Variants in NBEA observed in about 807,000 individuals in gnomAD.
NBEA encodes neurobeachin, also known as lysosomal-trafficking regulator 2.
NBEA carries 44 observed loss-of-function variants against 343.4 expected under a neutral mutation model. That is an observed-to-expected ratio of 0.13 (90% CI 0.10 to 0.16). The LOEUF (loss-of-function observed/expected upper bound fraction) is 0.16. Ranked by LOEUF, NBEA falls within the 10% of genes least tolerant of loss-of-function variation. NBEA has a pLI of 1.00. For missense variants in NBEA, 2,555 were observed against 3,631.3 expected (o/e 0.70, Z 7.62); for synonymous variants, 1,175 against 1,238.7 (o/e 0.95, Z 1.08).
chr13:35,618,335 T>G (rs2082829955), intron 48 of NBEA, among the ~76,000 whole-genome samples: 2 of 152,236 alleles, frequency 1.3e-5, no homozygotes, highest in African/African-American at 4.8e-5. Flanking sequence ...ATGCCCAGCT[T>G]TATTACTGCA....
chr13:35,430,573 G>T (rs867751145), intron 38 of NBEA, among the ~76,000 whole-genome samples: 2 of 152,196 alleles, frequency 1.3e-5, no homozygotes, highest in Middle Eastern at 3.4e-3. Context: ...TTTGTATGGG[G>T]TTTCAGGTCT....
chr13:35,408,828 A>G (rs963049540), intron 38 of NBEA, among the ~76,000 whole-genome samples: 15 of 152,186 alleles, frequency 9.9e-5, no homozygotes, highest in African/African-American at 2.7e-4. Flanking sequence ...GAATATGGCT[A>G]TAATTAAAAA....
intron 41 of NBEA, among the ~76,000 whole-genome samples, chr13:35,493,038 A>G (rs2076553576): frequency 6.6e-6 from 1 of 152,010 alleles, no homozygotes; most frequent in Non-Finnish European, 1.5e-5. Context: ...GAAATCAAAG[A>G]ATTTTAAGAT....
intron 36 of NBEA, among the ~76,000 whole-genome samples, chr13:35,315,602 A>G (rs2037661968): frequency 6.6e-6 from 1 of 152,164 alleles, no homozygotes; most frequent in Non-Finnish European, 1.5e-5. Flanking sequence ...TTTTAAAAGA[A>G]TATAGAATTT....
chr13:35,447,575 T>C (rs2046113363), intron 39 of NBEA, among the ~76,000 whole-genome samples: 1 of 152,082 alleles, frequency 6.6e-6, no homozygotes, highest in African/African-American at 2.4e-5. Context: ...ATAACATAAG[T>C]GCGGTTTTGG....
intron 40 of NBEA, among the ~76,000 whole-genome samples, chr13:35,467,576 T>G (rs1291890838): frequency 6.6e-6 from 1 of 152,244 alleles, no homozygotes; most frequent in Non-Finnish European, 1.5e-5. Context: ...TAAAAATAAT[T>G]GTAAAAATTT....
chr13:35,251,570 C>G (rs2031960430), intron 34 of NBEA: 2 of 1,199,564 alleles, frequency 1.7e-6, no homozygotes, highest in African/African-American at 1.6e-5. Context: ...TTCAGGAAGG[C>G]GTTCACAGAA....
intron 38 of NBEA, among the ~76,000 whole-genome samples, chr13:35,364,025 G>T (rs752292692): frequency 1.3e-5 from 2 of 151,930 alleles, no homozygotes; most frequent in Non-Finnish European, 2.9e-5. Flanking sequence ...CTTGCCTGTG[G>T]CATGTTCTAG....
rs531988880 is a variant in NBEA at position 35,036,508 on chromosome 13, G to C, written c.295-4425G>C. Among the ~76,000 whole-genome samples, 7 of 152,066 alleles carry C rather than the reference G, an allele frequency of 4.6e-5. No individual in the cohort carries two copies. The East Asian group carries it at 1.4e-3, about 29-fold the overall frequency. ...TTACCAGTAAGGTTTGTATTTTCAG[G>C]TGATCATTTATTGCTTATTAATGCC... On this transcript the variant is annotated intron_variant, in intron 1 of 58. Transcript: ENST00000379939.
At chr13:35,475,822 C>G (rs2075837896) in intron 41 of NBEA, 1 of 1,613,968 alleles carries the variant, frequency 6.2e-7, no homozygotes, top group Non-Finnish European at 8.5e-7. Context: ...GCTCCTCTTG[C>G]GCCCGTCGCT....
chr13:35,540,373 C>T (rs57326747), intron 41 of NBEA, among the ~76,000 whole-genome samples: 10,191 of 152,094 alleles, frequency 0.067, 364 homozygotes, highest in South Asian at 0.092. Context: ...ACTAGAAATT[C>T]GTTTATTTTC....
chr13:35,294,012 T>G (rs965666603), intron 35 of NBEA, among the ~76,000 whole-genome samples: 1 of 152,084 alleles, frequency 6.6e-6, no homozygotes, highest in South Asian at 2.1e-4. Flanking sequence ...CTACTCTTAC[T>G]GAAAAGCTAA....
intron 33 of NBEA, among the ~76,000 whole-genome samples, chr13:35,222,358 C>A (rs936709615): frequency 6.6e-6 from 1 of 151,828 alleles, no homozygotes; most frequent in African/African-American, 2.4e-5. Context: ...ATACTTAAAG[C>A]AGTTCTGCTT....
chr13:35,526,745 A>C (rs1161943444), intron 41 of NBEA, among the ~76,000 whole-genome samples: 1 of 152,166 alleles, frequency 6.6e-6, no homozygotes, highest in Non-Finnish European at 1.5e-5. Flanking sequence ...AGTGGTGAAG[A>C]ATGTGTGAGC....
chr13:35,134,201 G>C (rs2067589467), intron 17 of NBEA, among the ~76,000 whole-genome samples: 2 of 151,944 alleles, frequency 1.3e-5, no homozygotes, highest in Non-Finnish European at 2.9e-5. Flanking sequence ...TGATAAAATA[G>C]AATAATGGTA....
intron 1 of NBEA, among the ~76,000 whole-genome samples, chr13:35,025,820 A>G (rs1435937590): frequency 6.6e-6 from 1 of 152,032 alleles, no homozygotes; most frequent in Non-Finnish European, 1.5e-5. Flanking sequence ...TCAGGTTATT[A>G]TATTAGGTTA....
chr13:35,567,065 C>A, intron 45 of NBEA, 48 bp downstream of exon 45: 1 of 978,612 alleles, frequency 1.0e-6, no homozygotes, highest in Non-Finnish European at 1.6e-6. Context: ...AGGCTATAGT[C>A]TAATAGTATT....
chr13:35,282,557 A>G (rs1335360311), intron 34 of NBEA, among the ~76,000 whole-genome samples: 1 of 152,122 alleles, frequency 6.6e-6, no homozygotes, highest in Non-Finnish European at 1.5e-5. Context: ...TTAACCCAAA[A>G]ATAATTGCAA....
chr13:35,074,144 G>A (rs2064004078), intron 10 of NBEA, among the ~76,000 whole-genome samples: 1 of 152,128 alleles, frequency 6.6e-6, no homozygotes, highest in African/African-American at 2.4e-5. Context: ...TTGTGTATGT[G>A]ATTAATTTTT....
Sources: allele counts gnomAD v4.1 joint callset (sites outside exome capture counted in the v4.1 genomes callset), GRCh38; gene constraint gnomAD v4.1.1; transcripts MANE v1.5; gene names NCBI Gene and HGNC (gene_info 2026-07-23, HGNC 2026-07-21).